FAM20C: variants seen among roughly 807,000 people sequenced by gnomAD.
FAM20C encodes FAM20C golgi associated secretory pathway kinase.
In FAM20C, 40 loss-of-function variants were observed where a neutral mutation model predicts 51.5. The ratio of observed to expected loss-of-function variants is 0.78; its 90% CI spans 0.60 to 1.01. The LOEUF (loss-of-function observed/expected upper bound fraction) is 1.01, where lower values mean the gene tolerates loss of function less well. FAM20C is among the 50% of genes least tolerant of loss of function. The pLI is 0.00. For synonymous variants in FAM20C, 406 were observed against 380.6 expected (o/e 1.07, Z -0.78); for missense variants, 861 against 844.7 (o/e 1.02, Z -0.24).
intron 2 of FAM20C, among the ~76,000 whole-genome samples, chr7:207,732 G>A (rs923327784): frequency 1.2e-4 from 19 of 152,334 alleles, no homozygotes; most frequent in East Asian, 7.7e-4. Flanking sequence ...CGCGTGGCCC[G>A]GACCTACCGG....
intron 5 of FAM20C, among the ~76,000 whole-genome samples, chr7:255,272 C>T (rs1000486266): frequency 6.6e-6 from 1 of 152,196 alleles, no homozygotes; most frequent in Non-Finnish European, 1.5e-5. Flanking sequence ...GAAGCCATCC[C>T]AGCAGACAGG....
chr7:196,846 C>T lies in FAM20C; in HGVS notation c.784+1114C>T, dbSNP rs76249497. Among the ~76,000 whole-genome samples, 73 of 152,242 alleles carry T rather than the reference C, an allele frequency of 4.8e-4. No homozygotes were observed. The East Asian group carries it at 0.012, about 26-fold the overall frequency. ...GGAGACAGAACTTGCAGCTCTCTCC[C>T]CACCCCTTGATCAGCTCACCTCATA... On this transcript the variant is annotated intron_variant, in intron 2 of 9. Coordinates refer to ENST00000313766, the MANE Select transcript of FAM20C (RefSeq NM_020223.4).
rs1337153457 is a variant in FAM20C at position 248,135 on chromosome 7, G to T, written c.957-180G>T. On this transcript the variant is annotated intron_variant, in intron 4 of 9. Transcript: ENST00000313766. ...AGGGGCCTCTCCCACCCCCATCACCGTGGGGCCAGGCAGAGCCACCGGACC... is the reference window on the plus strand; with the variant it reads ...AGGGGCCTCTCCCACCCCCATCACCTTGGGGCCAGGCAGAGCCACCGGACC... Among the ~76,000 whole-genome samples, 4 of 151,350 alleles carry T rather than the reference G, an allele frequency of 2.6e-5. No homozygotes were observed. In the East Asian group the frequency reaches 7.7e-4, roughly 29 times the overall value.
intron 2 of FAM20C, among the ~76,000 whole-genome samples, chr7:204,579 G>A (rs982960198): frequency 1.2e-4 from 18 of 152,324 alleles, no homozygotes; most frequent in East Asian, 3.9e-4. Flanking sequence ...GGCACGTGGC[G>A]CTTGAGTGGC....
chr7:201,403 G>T (rs1786121518), intron 2 of FAM20C, among the ~76,000 whole-genome samples: 1 of 152,322 alleles, frequency 6.6e-6, no homozygotes, highest in East Asian at 1.9e-4. Context: ...TGGGGTTGTT[G>T]TTAGAAAGGG....
intron 3 of FAM20C, among the ~76,000 whole-genome samples, chr7:232,310 A>C (rs1374722781): frequency 6.6e-6 from 1 of 152,190 alleles, no homozygotes; most frequent in Non-Finnish European, 1.5e-5. Flanking sequence ...CCATGTGTCC[A>C]GTGGAGAGAA....
rs762150603 is a variant in FAM20C at position 256,962 on chromosome 7, C to T, written c.1364-43C>T. 26 of 1,533,052 alleles carry T rather than the reference C, an allele frequency of 1.7e-5. No individual in the cohort carries two copies. The South Asian group carries it at 3.1e-4, about 18-fold the overall frequency. The allele number at this position is 1,533,052 out of a possible 1,614,324, so 95.0% of individuals were successfully genotyped here. A position where few individuals can be genotyped will look rare whatever the true frequency, so the allele number is the denominator to read the frequency against. On this transcript the variant is annotated intron_variant, in intron 7 of 9. Transcript: ENST00000313766. ...CACAGAGGCCTCTGAGCTACGTGGC[C>T]CGGCTCCCCACGAGCTGTGACACTT...
Position 259,917 on chromosome 7 carries a change from C to T in FAM20C, c.1692C>T (p.Asn564=), listed in dbSNP as rs749362099. The change falls in exon 10 of 10, where the codon AAC becomes AAT. Residue 564 remains asparagine (N), a synonymous_variant. Transcript: ENST00000313766. The part of the protein sequence containing the change: ...LKAVRDCVER[N]GLHSVVDDDL... ...CCGTCCGGGACTGCGTGGAGAGGAA[C>T]GGGCTCCACAGCGTGGTGGATGACG... 209 of 1,534,472 alleles carry T rather than the reference C, an allele frequency of 1.4e-4. No homozygotes were observed. In the Admixed American group the frequency reaches 2.8e-3, roughly 20 times the overall value.
At chr7:242,992 C>CCAGGAGACCTGTGCTAA (rs1787997872) in intron 3 of FAM20C, among the ~76,000 whole-genome samples, 1 of 151,430 alleles carries the variant, frequency 6.6e-6, no homozygotes, top group African/African-American at 2.4e-5. Flanking sequence ...ACCTGTGCCA[C>CCAGGAGACCTGTGCTAA]CCGGGAGACC....
chr7:215,236 GGAGCAGGGCCCCTGGTGTAT>G (rs1786907602), intron 3 of FAM20C, among the ~76,000 whole-genome samples: 1 of 129,598 alleles, frequency 7.7e-6, no homozygotes, highest in African/African-American at 2.7e-5. Context: ...GCTGGGGGGG[GGAGCAGGGCCCCTGGTGTAT>G]GGAGAGGATG....
intron 5 of FAM20C, 111 bp from the exon 6 acceptor site, chr7:255,738 T>C (rs1788563624): frequency 2.5e-6 from 3 of 1,187,096 alleles, no homozygotes; most frequent in Non-Finnish European, 1.2e-6. Flanking sequence ...GGGTGAGTCC[T>C]GCCCATGAGA....
At chr7:204,902 GCTGTTCT>G (rs1292037951) in intron 2 of FAM20C, among the ~76,000 whole-genome samples, 4 of 152,034 alleles carry the variant, frequency 2.6e-5, no homozygotes, top group Non-Finnish European at 5.9e-5. Context: ...CCACACTGCC[GCTGTTCT>G]CGGTGCTCGG....
rs186786107 is a variant in FAM20C, at chr7:252,896, C to T, written c.1073-2953C>T. 2.0e-4 allele frequency among the ~76,000 whole-genome samples: 30 copies of T among 152,380 alleles called. 1 individual carries two copies. The highest frequency in any genetic ancestry group is 4.8e-4 in the African/African-American group (20 of 41,594). Reference sequence around the variant, plus strand: ...CTTCTCACGTAAGTTACCGTCTGCACGTTGCAAACGTCCCAGAGGTGCACA... The same window carrying T: ...CTTCTCACGTAAGTTACCGTCTGCATGTTGCAAACGTCCCAGAGGTGCACA... On this transcript the variant is annotated intron_variant, in intron 5 of 9. Coordinates refer to ENST00000313766, the MANE Select transcript of FAM20C (RefSeq NM_020223.4).
Position 199,071 on chromosome 7 carries a change from G to A in FAM20C, c.784+3339G>A, listed in dbSNP as rs113406616. 2.0e-4 allele frequency among the ~76,000 whole-genome samples: 31 copies of A among 152,354 alleles called. 1 individual carries two copies. The highest frequency in any genetic ancestry group is 3.8e-4 in the Non-Finnish European group (26 of 68,022). On this transcript the variant is annotated intron_variant, in intron 2 of 9. Transcript: ENST00000313766. ...CCAGGTCTCCTGGTCTGCAGGGAAC[G>A]GCACAAGAGGGCTGGCCTAGGCCAG... is the stretch of plus-strand genomic sequence containing the variant.
chr7:206,545 G>GC (rs1562368069), intron 2 of FAM20C, among the ~76,000 whole-genome samples: 12 of 90,894 alleles, frequency 1.3e-4, no homozygotes, highest in African/African-American at 1.8e-4. Flanking sequence ...CTGCACACGT[G>GC]TCCACTGTGA....
At chr7:195,801 G>A in intron 2 of FAM20C, 69 bp downstream of exon 2, 1 of 1,422,602 alleles carries the variant, frequency 7.0e-7, no homozygotes, top group Non-Finnish European at 9.3e-7. Context: ...TGCTGGGGCA[G>A]GCTATGTGTT....
intron 5 of FAM20C, among the ~76,000 whole-genome samples, chr7:253,929 C>G (rs1341948331): frequency 2.0e-5 from 3 of 152,274 alleles, no homozygotes; most frequent in Admixed American, 2.0e-4. Context: ...AATGGAGCTC[C>G]TGCCCCGGTG....
intron 5 of FAM20C, among the ~76,000 whole-genome samples, chr7:250,662 C>G (rs1434767676): frequency 6.6e-6 from 1 of 152,174 alleles, no homozygotes; most frequent in Non-Finnish European, 1.5e-5. Flanking sequence ...GCCCTTGGGT[C>G]GACCCTGACC....
At chr7:218,387 C>T (rs1251894911) in intron 3 of FAM20C, among the ~76,000 whole-genome samples, 4 of 152,348 alleles carry the variant, frequency 2.6e-5, no homozygotes, top group South Asian at 4.1e-4. Flanking sequence ...TGCCGCGCTG[C>T]GTGCTGCCTC....
Sources: allele counts gnomAD v4.1 joint callset (sites outside exome capture counted in the v4.1 genomes callset), GRCh38; gene constraint gnomAD v4.1.1; transcripts MANE v1.5; gene names NCBI Gene and HGNC (gene_info 2026-07-23, HGNC 2026-07-21).